PRKN: variants seen among roughly 807,000 people sequenced by gnomAD.
The protein encoded by PRKN is parkin RBR E3 ubiquitin protein ligase, also known as E3 ubiquitin-protein ligase parkin.
Under a neutral mutation model 59.5 loss-of-function variants are expected in PRKN, and 56 were observed. That is an observed-to-expected ratio of 0.94 (90% CI 0.76 to 1.18). The LOEUF (loss-of-function observed/expected upper bound fraction) is 1.18. PRKN is among the 50% of genes most tolerant of loss of function. The pLI, the probability that PRKN is intolerant of heterozygous loss-of-function variation, is 0.00. For missense variants in PRKN, 657 were observed against 596.4 expected (o/e 1.10, Z -1.06); for synonymous variants, 250 against 222.1 (o/e 1.13, Z -1.12).
At chr6:161,881,461 T>A (rs907848837) in intron 6 of PRKN, among the ~76,000 whole-genome samples, 2 of 152,100 alleles carry the variant, frequency 1.3e-5, no homozygotes, top group Non-Finnish European at 2.9e-5. Flanking sequence ...GGTTTAGGGC[T>A]GCGACCACCA....
rs1215890523 is a variant in PRKN, at chr6:161,395,928, G to A, written c.1084-9051C>T. On this transcript the variant is annotated intron_variant, in intron 9 of 11. Transcript: ENST00000366898. This position sits in a 1 kb window ranked among gnomAD's most constrained non-coding sequence, Gnocchi z 5.0. ...AGCTCAGCGGCTTTAAACACAGACAGCCAACAAATTAGAGGTCCAGGTTAG... is the reference window on the plus strand; with the variant it reads ...AGCTCAGCGGCTTTAAACACAGACAACCAACAAATTAGAGGTCCAGGTTAG... Among the ~76,000 whole-genome samples the A allele has an allele frequency of 6.6e-6, 1 of 152,130 alleles. No homozygotes were observed.
rs951397761 is a variant in PRKN, at chr6:161,575,699, C to T, written c.872-6283G>A. Among the ~76,000 whole-genome samples the T allele has an allele frequency of 1.3e-5, 2 of 152,146 alleles. No homozygotes were observed. Among genetic ancestry groups the T allele is most frequent in the African/African-American group, 4.8e-5 (2 of 41,426 alleles). On this transcript the variant is annotated intron_variant, in intron 7 of 11. Coordinates refer to ENST00000366898, the MANE Select transcript of PRKN (RefSeq NM_004562.3). This position sits in a 1 kb window ranked among gnomAD's most constrained non-coding sequence, Gnocchi z 4.6. ...TGGATTTCAGCTCTCTGATGTGCTCCTGGCACTGGTCACATGACACAAATA... is the reference window on the plus strand; with the variant it reads ...TGGATTTCAGCTCTCTGATGTGCTCTTGGCACTGGTCACATGACACAAATA...
chr6:161,424,450 G>C (rs1788245510), intron 9 of PRKN, among the ~76,000 whole-genome samples: 1 of 152,132 alleles, frequency 6.6e-6, no homozygotes, highest in African/African-American at 2.4e-5. Context: ...AAAGAGGAAG[G>C]CTTTTATGGA....
intron 4 of PRKN, among the ~76,000 whole-genome samples, chr6:162,107,020 C>A: frequency 6.6e-6 from 1 of 152,174 alleles, no homozygotes; most frequent in East Asian, 1.9e-4. Flanking sequence ...TGTCACTCAA[C>A]CTATCCGTAT....
chr6:161,697,767 T>A (rs937481276), intron 7 of PRKN, among the ~76,000 whole-genome samples: 2 of 152,170 alleles, frequency 1.3e-5, no homozygotes, highest in Admixed American at 6.6e-5. Flanking sequence ...AAATACTCTT[T>A]AATTAAACAT....
At chr6:161,436,660 C>G (rs994622309) in intron 9 of PRKN, among the ~76,000 whole-genome samples, 2 of 152,014 alleles carry the variant, frequency 1.3e-5, no homozygotes, top group Non-Finnish European at 1.5e-5. Flanking sequence ...CAAATTGAAA[C>G]TCCTGCTCTG....
intron 1 of PRKN, among the ~76,000 whole-genome samples, chr6:162,558,734 G>C (rs1779714780): frequency 6.6e-6 from 1 of 151,758 alleles, no homozygotes; most frequent in Non-Finnish European, 1.5e-5. Flanking sequence ...TGCCTCCAAG[G>C]CTCAAGCGAT....
chr6:162,525,910 A>T (rs914657813), intron 1 of PRKN, among the ~76,000 whole-genome samples: 17 of 152,074 alleles, frequency 1.1e-4, no homozygotes, highest in African/African-American at 3.9e-4. Context: ...CTGGAGTGCA[A>T]TGGTGCAATC....
At chr6:161,935,262 T>C (rs895399147) in intron 6 of PRKN, among the ~76,000 whole-genome samples, 1 of 151,904 alleles carries the variant, frequency 6.6e-6, no homozygotes, top group Non-Finnish European at 1.5e-5. Context: ...CTAAAGAGGA[T>C]AAGATGGTCA....
intron 5 of PRKN, among the ~76,000 whole-genome samples, chr6:162,011,855 A>G (rs896149598): frequency 3.3e-5 from 5 of 150,822 alleles, no homozygotes; most frequent in African/African-American, 1.2e-4. Flanking sequence ...TTCTACATAT[A>G]AAATTAGTTT....
At chr6:161,635,593 G>A (rs1044454203) in intron 7 of PRKN, among the ~76,000 whole-genome samples, 5 of 152,186 alleles carry the variant, frequency 3.3e-5, no homozygotes, top group South Asian at 2.1e-4. Context: ...ATCATCAGAC[G>A]CACTACATTG....
At chr6:162,686,970 T>C (rs983282575) in intron 1 of PRKN, among the ~76,000 whole-genome samples, 9 of 152,142 alleles carry the variant, frequency 5.9e-5, no homozygotes, top group Admixed American at 4.6e-4. Flanking sequence ...GCTTTGTTTT[T>C]GGTTGTTGTT....
In PRKN at chr6:161,497,406, A is replaced by T. The variant is rs1777792625; in HGVS notation, c.1083+51448T>A. ...TCTGGCAAAGGTTATCCTTTAAAGA[A>T]AAAAAAGTTCTTGCTCCTCTGTCTT... On this transcript the variant is annotated intron_variant, in intron 9 of 11. Transcript: ENST00000366898. This position sits in a 1 kb window ranked among gnomAD's most constrained non-coding sequence, Gnocchi z 4.6. 6.6e-6 allele frequency among the ~76,000 whole-genome samples: 1 copy of T among 152,204 alleles called. No homozygotes were observed. The highest frequency in any genetic ancestry group is 2.4e-5 in the African/African-American group (1 of 41,460).
At chr6:161,833,846 C>T (rs185707675) in intron 6 of PRKN, among the ~76,000 whole-genome samples, 1 of 152,274 alleles carries the variant, frequency 6.6e-6, no homozygotes, top group Non-Finnish European at 1.5e-5. Context: ...AGGAGCCTTT[C>T]GGTTTCCTAC....
At chr6:162,385,934 A>G (rs2059553239) in intron 2 of PRKN, among the ~76,000 whole-genome samples, 1 of 152,200 alleles carries the variant, frequency 6.6e-6, no homozygotes, top group African/African-American at 2.4e-5. Context: ...TGTCAAAATA[A>G]GTAAAATAGG....
intron 2 of PRKN, among the ~76,000 whole-genome samples, chr6:162,305,182 G>A (rs1249336699): frequency 6.6e-6 from 1 of 151,994 alleles, no homozygotes; most frequent in Non-Finnish European, 1.5e-5. Context: ...TTAGAGTATA[G>A]AAAATAAAAG....
chr6:162,523,619 G>A (rs1293806646), intron 1 of PRKN, among the ~76,000 whole-genome samples: 6 of 152,074 alleles, frequency 3.9e-5, no homozygotes, highest in African/African-American at 9.7e-5. Flanking sequence ...AGCTGAGATC[G>A]CACCACTGTA....
At chr6:162,269,078 A>T (rs566703696) in intron 2 of PRKN, among the ~76,000 whole-genome samples, 3 of 152,180 alleles carry the variant, frequency 2.0e-5, no homozygotes, top group African/African-American at 7.2e-5. Flanking sequence ...AGTGAAAAGA[A>T]GATGGTATAG....
intron 4 of PRKN, among the ~76,000 whole-genome samples, chr6:162,146,188 C>T (rs1045979172): frequency 1.2e-4 from 18 of 152,202 alleles, no homozygotes; most frequent in Admixed American, 1.2e-3. Flanking sequence ...CCCACGTAGC[C>T]ATCCAGCAAA....
Sources: gnomAD v4.1 joint callset for allele counts (sites outside exome capture counted in the v4.1 genomes callset) on GRCh38, gnomAD v4.1.1 for gene constraint, Gnocchi (gnomAD v3.1) non-coding constraint, MANE v1.5 for transcripts, NCBI Gene and HGNC (gene_info 2026-07-23, HGNC 2026-07-21) for gene names.